The following UBE2J1 variants were observed in gnomAD, a reference collection of about 807,000 sequenced individuals.
The protein encoded by UBE2J1 is ubiquitin conjugating enzyme E2 J1.
UBE2J1 carries 17 observed loss-of-function variants against 42.1 expected under a neutral mutation model. The observed-to-expected ratio is 0.40, with a 90% CI of 0.28 to 0.61. The LOEUF (loss-of-function observed/expected upper bound fraction) is 0.61, where lower values mean the gene tolerates loss of function less well. UBE2J1 is among the 20% of genes least tolerant of loss of function. The pLI, the probability that UBE2J1 is intolerant of heterozygous loss-of-function variation, is 0.38. For synonymous variants in UBE2J1, 127 were observed against 137.2 expected (o/e 0.93, Z 0.52); for missense variants, 291 against 389.4 (o/e 0.75, Z 2.13).
Position 89,333,175 on chromosome 6 carries a change from A to G in UBE2J1, c.589T>C (p.Ser197Pro). ...AEVNSSGKTI[S>P]ESDLNHSFSL... The stretch of plus-strand genomic sequence containing the variant: ...AAAGAGTGGTTTAAGTCTGACTCAG[A>G]GATAGTCTTTCCAGATGAATTGACT... The change falls in exon 7 of 8, where the codon TCT becomes CCT. Residue 197 changes from serine to proline, a missense_variant. By Grantham distance (74) the Ser-to-Pro change is moderately conservative (BLOSUM62 -1). Transcript: ENST00000435041. The G allele has an allele frequency of 6.2e-7, 1 of 1,612,870 alleles. No homozygotes were observed. The highest frequency in any genetic ancestry group is 8.5e-7 in the Non-Finnish European group (1 of 1,179,428).
Position 89,351,810 on chromosome 6 carries a change from T to G in UBE2J1, c.31+729A>C, listed in dbSNP as rs568205746. ...TTAAGCTGAGAAAGCTAGTTGCTTATCTTTATAATGCACCAGAAAGTAATT... is the reference window on the plus strand; with the variant it reads ...TTAAGCTGAGAAAGCTAGTTGCTTAGCTTTATAATGCACCAGAAAGTAATT... On this transcript the variant is annotated intron_variant, in intron 1 of 7. Transcript: ENST00000435041. Among the ~76,000 whole-genome samples the G allele has an allele frequency of 2.3e-4, 35 of 152,346 alleles. No individual in the cohort carries two copies. In the South Asian group the frequency reaches 6.6e-3, roughly 29 times the overall value.
At chr6:89,336,114 T>C (rs1768102341) in intron 5 of UBE2J1, among the ~76,000 whole-genome samples, 1 of 152,224 alleles carries the variant, frequency 6.6e-6, no homozygotes, top group Admixed American at 6.5e-5. Context: ...TAAACATGCA[T>C]CATATATAAA....
intron 7 of UBE2J1, among the ~76,000 whole-genome samples, chr6:89,331,590 G>C (rs1383726206): frequency 1.3e-5 from 2 of 152,188 alleles, no homozygotes; most frequent in African/African-American, 4.8e-5. Context: ...GGATACAGTG[G>C]AGAAGCGGAA....
In UBE2J1 at chr6:89,352,711, TGC is replaced by T; in HGVS notation, c.-144_-143del. ...AAATGCCGCCCAGTCCAGCCTGGAC[TGC>T]GGGCGGGGTGGCAAGGCTGAGTGCG... On this transcript the variant is annotated 5_prime_UTR_variant, in exon 1 of 8. Coordinates refer to ENST00000435041, the MANE Select transcript of UBE2J1 (RefSeq NM_016021.3). 3.2e-6 allele frequency: 3 copies of T among 944,344 alleles called. No homozygotes were observed. The highest frequency in any genetic ancestry group is 4.3e-6 in the Non-Finnish European group (3 of 691,668). 58.5% of individuals were successfully genotyped at this position (944,344 alleles called of 1,614,324 possible).
At chr6:89,350,528 C>T (rs1421789080) in intron 1 of UBE2J1, among the ~76,000 whole-genome samples, 1 of 152,096 alleles carries the variant, frequency 6.6e-6, no homozygotes, top group African/African-American at 2.4e-5. Context: ...CCTAATTCAA[C>T]TTCTCCATGA....
intron 3 of UBE2J1, among the ~76,000 whole-genome samples, chr6:89,340,323 A>G (rs921366088): frequency 6.6e-6 from 1 of 152,154 alleles, no homozygotes. Context: ...ATATACCTGT[A>G]TTTGTTGGTA....
rs576116560 is a variant in UBE2J1, at chr6:89,335,642, A to G, written c.429-211T>C. ...TGTTAGGCTGGCTTTAAAAAAATCC[A>G]GGGCTCAGATGCTATTTTTTCCAAT... On this transcript the variant is annotated intron_variant, in intron 5 of 7. Transcript: ENST00000435041. Among the ~76,000 whole-genome samples, 7 of 152,326 alleles carry G rather than the reference A, an allele frequency of 4.6e-5. No individual in the cohort carries two copies. The East Asian group carries it at 1.3e-3, about 29-fold the overall frequency.
intron 7 of UBE2J1, among the ~76,000 whole-genome samples, chr6:89,330,489 T>C (rs1286261632): frequency 1.3e-5 from 2 of 152,164 alleles, no homozygotes. Context: ...AACTAAAAAT[T>C]AAGTGCCTTG....
At chr6:89,350,011 G>GATCCATAGACAACTACTGACAA (rs3836931) in intron 1 of UBE2J1, among the ~76,000 whole-genome samples, 94,303 of 151,246 alleles carry the variant, frequency 0.62, 30,222 homozygotes, top group South Asian at 0.79. Flanking sequence ...CAAGTAGCAT[G>GATCCATAGACAACTACTGACAA]ATCCATAGAC....
chr6:89,343,430 G>A (rs1273175192), intron 2 of UBE2J1, among the ~76,000 whole-genome samples: 13 of 73,578 alleles, frequency 1.8e-4, no homozygotes, highest in African/African-American at 7.9e-4. Flanking sequence ...GTGAGACTCC[G>A]CCTCAAAAAA....
Position 89,338,989 on chromosome 6 carries a change from C to A in UBE2J1, c.238-446G>T, listed in dbSNP as rs192505733. Reference sequence around the variant, plus strand: ...CAAAAAGATTTTTTTTTAAATGTAACCTCTCATGGGACACAGATTTTTTGT... The same window carrying A: ...CAAAAAGATTTTTTTTTAAATGTAAACTCTCATGGGACACAGATTTTTTGT... On this transcript the variant is annotated intron_variant, in intron 3 of 7. Coordinates refer to ENST00000435041, the MANE Select transcript of UBE2J1 (RefSeq NM_016021.3). Among the ~76,000 whole-genome samples the A allele has an allele frequency of 3.4e-4, 52 of 152,054 alleles. No individual in the cohort carries two copies. The East Asian group carries it at 9.3e-3, about 27-fold the overall frequency.
In UBE2J1 at chr6:89,328,889, C is replaced by T. The variant is rs1350088686; in HGVS notation, c.*790G>A. On this transcript the variant is annotated 3_prime_UTR_variant, in exon 8 of 8. Coordinates refer to ENST00000435041, the MANE Select transcript of UBE2J1 (RefSeq NM_016021.3). ...TTCAAAGCAGACCAAACATTCAAATCTTCAGATCCCCCCATTTAACTTCTG... is the reference window on the plus strand; with the variant it reads ...TTCAAAGCAGACCAAACATTCAAATTTTCAGATCCCCCCATTTAACTTCTG... The T allele has an allele frequency of 6.6e-6, 1 of 152,192 alleles. No individual in the cohort carries two copies. Among genetic ancestry groups the T allele is most frequent in the Admixed American group, 6.5e-5 (1 of 15,280 alleles). 9.4% of individuals were successfully genotyped at this position (152,192 alleles called of 1,614,324 possible).
In UBE2J1 at chr6:89,329,861, G is replaced by T. The variant is rs1197943849; in HGVS notation, c.775C>A (p.Gln259Lys). 1 of 1,614,112 alleles carries T rather than the reference G, an allele frequency of 6.2e-7. No individual in the cohort carries two copies. Among genetic ancestry groups the T allele is most frequent in the African/African-American group, 1.3e-5 (1 of 75,030 alleles). ...GTAGACAACCTTCTCTGACTCTGCTGCTGGGCCCGGCGCTGTCGAGGGCTC... is the reference window on the plus strand; with the variant it reads ...GTAGACAACCTTCTCTGACTCTGCTTCTGGGCCCGGCGCTGTCGAGGGCTC... Reference protein sequence around the residue: ...SMSPRQRRAQQQSQRRLSTSP... With the variant: ...SMSPRQRRAQKQSQRRLSTSP... Residue 259 changes from glutamine (Q) to lysine (K), a missense_variant, in exon 8 of 8, where the codon CAG becomes AAG. By Grantham distance (53) the Gln-to-Lys change is moderately conservative. This residue lies in a region of UBE2J1 where 176 missense variants were observed against 196.3 expected (regional missense o/e 0.90). Transcript: ENST00000435041.
At chr6:89,346,082 G>T (rs1260698708) in intron 1 of UBE2J1, among the ~76,000 whole-genome samples, 1 of 151,712 alleles carries the variant, frequency 6.6e-6, no homozygotes, top group African/African-American at 2.4e-5. Flanking sequence ...GTAGAGCTGG[G>T]GTCCCCCTGT....
intron 1 of UBE2J1, among the ~76,000 whole-genome samples, chr6:89,345,656 C>A (rs1214339937): frequency 6.6e-6 from 1 of 151,562 alleles, no homozygotes; most frequent in Non-Finnish European, 1.5e-5. Context: ...GCCTGTAATC[C>A]CAGCACTTTG....
chr6:89,345,725 T>G (rs1335845142), intron 1 of UBE2J1, among the ~76,000 whole-genome samples: 3 of 151,578 alleles, frequency 2.0e-5, no homozygotes, highest in Non-Finnish European at 4.4e-5. Flanking sequence ...CTGACCAGCA[T>G]AGTGAAACCC....
chr6:89,336,262 AAGT>A (rs1430257215), intron 5 of UBE2J1, among the ~76,000 whole-genome samples: 2 of 151,884 alleles, frequency 1.3e-5, no homozygotes, highest in African/African-American at 4.8e-5. Context: ...ATATATGTAA[AAGT>A]AGCAATAATT....
chr6:89,332,285 T>C (rs1309784179), intron 7 of UBE2J1, among the ~76,000 whole-genome samples: 2 of 152,202 alleles, frequency 1.3e-5, no homozygotes, highest in African/African-American at 4.8e-5. Context: ...CTTTTATATA[T>C]AGGAAGGAAA....
chr6:89,344,849 T>C (rs1768327210), intron 1 of UBE2J1, among the ~76,000 whole-genome samples: 1 of 152,228 alleles, frequency 6.6e-6, no homozygotes, highest in African/African-American at 2.4e-5. Context: ...CCTATCACAA[T>C]CTACAATCCT....
Sources: gnomAD v4.1 joint callset for allele counts (sites outside exome capture counted in the v4.1 genomes callset) on GRCh38, gnomAD v4.1.1 for gene constraint, gnomAD v4.1.1 regional missense constraint, MANE v1.5 for transcripts, NCBI Gene and HGNC (gene_info 2026-07-23, HGNC 2026-07-21) for gene names.